WWOX: variants seen among roughly 807,000 people sequenced by gnomAD.
WWOX encodes WW domain-containing oxidoreductase.
Under a neutral mutation model 46.2 loss-of-function variants are expected in WWOX, and 69 were observed. The ratio of observed to expected loss-of-function variants is 1.49; its 90% CI spans 1.23 to 1.82. WWOX has a LOEUF of 1.82. WWOX is among the 40% of genes most tolerant of loss of function. The probability of loss-of-function intolerance (pLI) is 0.00; values close to 1 mark genes in which losing one functional copy is unlikely to be tolerated. For synonymous variants in WWOX, 359 were observed against 202.6 expected (o/e 1.77, Z -6.56); for missense variants, 919 against 542.6 (o/e 1.69, Z -6.89).
intron 8 of WWOX, among the ~76,000 whole-genome samples, chr16:78,620,454 G>A (rs1215240552): frequency 6.6e-6 from 1 of 152,170 alleles, no homozygotes; most frequent in South Asian, 2.1e-4. Context: ...GCCGAAACTT[G>A]GTCCCTGGAT....
chr16:78,569,469 G>T (rs766266957), intron 8 of WWOX, among the ~76,000 whole-genome samples: 3 of 152,156 alleles, frequency 2.0e-5, no homozygotes, highest in Non-Finnish European at 4.4e-5. Flanking sequence ...AGAAAAGGGG[G>T]AAAAAGTTAA....
chr16:78,470,596 C>G (rs1209648557), intron 8 of WWOX, among the ~76,000 whole-genome samples: 2 of 152,172 alleles, frequency 1.3e-5, no homozygotes, highest in Non-Finnish European at 2.9e-5. Flanking sequence ...ATGGCACCAT[C>G]TTGACTTACT....
At chr16:78,599,324 A>G (rs2045567244) in intron 8 of WWOX, among the ~76,000 whole-genome samples, 1 of 152,158 alleles carries the variant, frequency 6.6e-6, no homozygotes, top group African/African-American at 2.4e-5. Flanking sequence ...CAATCCACAG[A>G]CATTGAACTG....
chr16:78,654,137 A>T (rs965975800), intron 8 of WWOX, among the ~76,000 whole-genome samples: 4 of 152,206 alleles, frequency 2.6e-5, no homozygotes, highest in African/African-American at 9.6e-5. Flanking sequence ...TGGACTCAAG[A>T]TGAGCACAGG....
intron 8 of WWOX, among the ~76,000 whole-genome samples, chr16:78,998,447 T>C (rs759013080): frequency 6.6e-5 from 10 of 152,076 alleles, no homozygotes; most frequent in Non-Finnish European, 1.3e-4. Context: ...TGGAAGACAG[T>C]CAGTTTTAAA....
At chr16:78,495,487 G>C (rs1156300508) in intron 8 of WWOX, among the ~76,000 whole-genome samples, 2 of 146,978 alleles carry the variant, frequency 1.4e-5, no homozygotes, top group African/African-American at 2.5e-5. Flanking sequence ...TGTAGATTTG[G>C]CTAGGAAGTC....
chr16:78,105,668 G>A (rs73562757), intron 1 of WWOX, among the ~76,000 whole-genome samples: 12,465 of 152,154 alleles, frequency 0.082, 1,079 homozygotes, highest in African/African-American at 0.22. Flanking sequence ...ACATTTGTGC[G>A]CCTGCTGTGG....
chr16:78,465,086 G>C (rs556101896), intron 8 of WWOX, among the ~76,000 whole-genome samples: 1 of 152,230 alleles, frequency 6.6e-6, no homozygotes, highest in East Asian at 1.9e-4. Flanking sequence ...ACTATCAAGG[G>C]AACAGCACAG....
intron 8 of WWOX, among the ~76,000 whole-genome samples, chr16:79,209,461 G>A (rs894973865): frequency 2.0e-5 from 3 of 152,186 alleles, no homozygotes; most frequent in African/African-American, 7.2e-5. Flanking sequence ...ACAGTGAAAG[G>A]CCAGTCTGTC....
chr16:79,037,921 G>C (rs886526835), intron 8 of WWOX, among the ~76,000 whole-genome samples: 24 of 151,958 alleles, frequency 1.6e-4, no homozygotes, highest in Non-Finnish European at 2.9e-5. Flanking sequence ...CTTTCCATCC[G>C]AGAAAAGCAC....
chr16:78,287,958 A>T (rs914399571), intron 5 of WWOX, among the ~76,000 whole-genome samples: 1 of 152,182 alleles, frequency 6.6e-6, no homozygotes, highest in African/African-American at 2.4e-5. Context: ...AGGTCGCTCA[A>T]AACAGATTTT....
At chr16:78,857,328 A>G (rs529222769) in intron 8 of WWOX, among the ~76,000 whole-genome samples, 1 of 152,344 alleles carries the variant, frequency 6.6e-6, no homozygotes, top group South Asian at 2.1e-4. Context: ...TTTCACCATG[A>G]CATTGGCAAA....
At chr16:78,433,822 C>T (rs890383246) in intron 8 of WWOX, among the ~76,000 whole-genome samples, 3 of 122,380 alleles carry the variant, frequency 2.5e-5, no homozygotes, top group African/African-American at 9.7e-5. Context: ...CGGAGTCTCG[C>T]TCTGTCGCCC....
At chr16:78,191,010 C>T (rs1037567654) in intron 5 of WWOX, among the ~76,000 whole-genome samples, 1 of 152,184 alleles carries the variant, frequency 6.6e-6, no homozygotes, top group Non-Finnish European at 1.5e-5. Flanking sequence ...CACATACCAG[C>T]TTGATGGTGA....
chr16:78,510,820 C>T (rs2085343289), intron 8 of WWOX, among the ~76,000 whole-genome samples: 1 of 152,224 alleles, frequency 6.6e-6, no homozygotes, highest in Non-Finnish European at 1.5e-5. Context: ...GCAGTGGATT[C>T]ACTTCCATCA....
intron 8 of WWOX, among the ~76,000 whole-genome samples, chr16:79,183,533 A>G (rs1020610027): frequency 4.3e-4 from 65 of 152,314 alleles, no homozygotes; most frequent in African/African-American, 1.5e-3. Flanking sequence ...GCATCCAACC[A>G]TAATCATTGT....
chr16:78,938,629 T>G (rs576664599), intron 8 of WWOX, among the ~76,000 whole-genome samples: 1 of 152,316 alleles, frequency 6.6e-6, no homozygotes, highest in South Asian at 2.1e-4. Context: ...TGTTCATTTA[T>G]TCCACAGGGA....
intron 8 of WWOX, among the ~76,000 whole-genome samples, chr16:78,507,663 G>C (rs1300884573): frequency 6.6e-6 from 1 of 152,170 alleles, no homozygotes; most frequent in Non-Finnish European, 1.5e-5. Flanking sequence ...TCTCCAGCCA[G>C]ATCAGCATTG....
At chr16:79,069,067 G>A (rs946825543) in intron 8 of WWOX, among the ~76,000 whole-genome samples, 2 of 152,136 alleles carry the variant, frequency 1.3e-5, no homozygotes, top group Non-Finnish European at 2.9e-5. Context: ...TCAGTAAAGC[G>A]CAGAGCAGAT....
Sources: gnomAD v4.1 joint callset for allele counts (sites outside exome capture counted in the v4.1 genomes callset) on GRCh38, gnomAD v4.1.1 for gene constraint, MANE v1.5 for transcripts, NCBI Gene and HGNC (gene_info 2026-07-23, HGNC 2026-07-21) for gene names.